The following RELN variants were observed in gnomAD, a reference collection of about 807,000 sequenced individuals.
RELN encodes reelin.
Under a neutral mutation model 427.6 loss-of-function variants are expected in RELN, and 108 were observed. The ratio of observed to expected loss-of-function variants is 0.25; its 90% CI spans 0.22 to 0.30. RELN has a LOEUF of 0.30. RELN is among the 10% of genes least tolerant of loss of function. RELN has a pLI of 1.00. For missense variants in RELN, 3,715 were observed against 4,302.8 expected (o/e 0.86, Z 3.82); for synonymous variants, 1,524 against 1,513.4 (o/e 1.01, Z -0.16).
intron 22 of RELN, 30 bp from the exon 23 acceptor site, chr7:103,604,513 G>A (rs1258376315): frequency 1.4e-5 from 23 of 1,612,982 alleles, no homozygotes; most frequent in African/African-American, 2.7e-5. Context: ...TAACAAAAAC[G>A]GTTTCAACCT....
At chr7:103,557,931 T>C in intron 37 of RELN, 34 bp downstream of exon 37, 2 of 1,009,312 alleles carry the variant, frequency 2.0e-6, no homozygotes, top group Non-Finnish European at 1.6e-6. Context: ...CAGGGGAGAA[T>C]TCTCTTGAAG....
chr7:103,774,077 C>A (rs928789882), intron 4 of RELN, among the ~76,000 whole-genome samples: 4 of 151,978 alleles, frequency 2.6e-5, no homozygotes, highest in Non-Finnish European at 5.9e-5. Flanking sequence ...AGGCTGATTA[C>A]CTGAGGTCAG....
intron 1 of RELN, among the ~76,000 whole-genome samples, chr7:103,926,688 A>AGGCTAGAG: frequency 8.1e-6 from 1 of 123,720 alleles, no homozygotes; most frequent in African/African-American, 3.0e-5. Context: ...TCTGTCGCCC[A>AGGCTAGAG]GGCTAGAGGG....
intron 50 of RELN, 105 bp downstream of exon 50, chr7:103,515,079 CA>C: frequency 1.4e-6 from 2 of 1,383,926 alleles, no homozygotes; most frequent in Non-Finnish European, 2.0e-6. Context: ...GTTTCTACAC[CA>C]CTGGAACATC....
In RELN at chr7:103,557,949, A is replaced by G. The variant is rs1830561348; in HGVS notation, c.5614+16T>C. 1 of 1,132,922 alleles carries G rather than the reference A, an allele frequency of 8.8e-7. No homozygotes were observed. 70.2% of individuals were successfully genotyped at this position (1,132,922 alleles called of 1,614,324 possible). A position where few individuals can be genotyped will look rare whatever the true frequency, so the allele number is the denominator to read the frequency against. ...GGGAGAATTCTCTTGAAGGAAAATA[A>G]TAAATTCATACTTACTTTTTGCTAT... On this transcript the variant is annotated intron_variant, in intron 37 of 64. Coordinates refer to ENST00000428762, the MANE Select transcript of RELN (RefSeq NM_005045.4).
At chr7:103,653,993 G>T in intron 13 of RELN, 100 bp downstream of exon 13, 1 of 772,512 alleles carries the variant, frequency 1.3e-6, no homozygotes, top group Middle Eastern at 2.3e-4. Flanking sequence ...TCAGAACAGG[G>T]ATGTATCTTC....
chr7:103,781,597 T>C (rs1440336797), intron 3 of RELN, among the ~76,000 whole-genome samples: 2 of 152,122 alleles, frequency 1.3e-5, no homozygotes, highest in East Asian at 3.9e-4. Flanking sequence ...GTGCAATAGA[T>C]ATCTTGAACT....
chr7:103,659,769 T>C (rs1833098402), intron 12 of RELN, among the ~76,000 whole-genome samples: 1 of 152,192 alleles, frequency 6.6e-6, no homozygotes, highest in Non-Finnish European at 1.5e-5. Context: ...ATACTGAGTC[T>C]AAATATTTAT....
intron 57 of RELN, among the ~76,000 whole-genome samples, chr7:103,494,394 G>GTGT (rs774896895): frequency 2.7e-3 from 358 of 134,548 alleles, no homozygotes; most frequent in Non-Finnish European, 4.0e-3. Flanking sequence ...TGTGTGTGTG[G>GTGT]GATATGGTCT....
chr7:103,877,572 C>A (rs1389438403), intron 2 of RELN, among the ~76,000 whole-genome samples: 1 of 152,174 alleles, frequency 6.6e-6, no homozygotes, highest in African/African-American at 2.4e-5. Context: ...CTCTTCCATT[C>A]CTGACCTTCT....
chr7:103,557,258 T>G (rs1446286595), intron 37 of RELN, 99 bp from the exon 38 acceptor site: 1 of 1,020,532 alleles, frequency 9.8e-7, no homozygotes, highest in African/African-American at 1.6e-5. Context: ...ATAAGAGAAC[T>G]TATGTTTACA....
chr7:103,917,846 T>C (rs1795520825), intron 1 of RELN, among the ~76,000 whole-genome samples: 1 of 152,126 alleles, frequency 6.6e-6, no homozygotes, highest in East Asian at 1.9e-4. Flanking sequence ...AAATTAAATA[T>C]ATACGTATGC....
Position 103,515,309 on chromosome 7 carries a change from G to C in RELN, c.7995C>G (p.Asp2665Glu). ...IDNVLISGSA[D>E]QRTVMLDTFS... ...AGGTGTCCAGCATAACGGTCCTTTG[G>C]TCAGCAGAGCCTGAGATGAGGACAT... is the stretch of plus-strand genomic sequence containing the variant. The change falls in exon 50 of 65, where the codon GAC becomes GAG. Residue 2665 changes from aspartate (D) to glutamate (E), a missense_variant. Asp to Glu is a conservative substitution (Grantham distance 45). This residue lies in a region of RELN where 1,310 missense variants were observed against 1,643.0 expected (regional missense o/e 0.80). Coordinates refer to ENST00000428762, the MANE Select transcript of RELN (RefSeq NM_005045.4). 1 of 1,614,114 alleles carries C rather than the reference G, an allele frequency of 6.2e-7. No homozygotes were observed. The highest frequency in any genetic ancestry group is 1.1e-5 in the South Asian group (1 of 91,058).
At chr7:103,872,414 T>G (rs1794369096) in intron 2 of RELN, among the ~76,000 whole-genome samples, 1 of 138,984 alleles carries the variant, frequency 7.2e-6, no homozygotes, top group South Asian at 3.0e-4. Flanking sequence ...TATGGCTGCA[T>G]AGTATTCCAT....
chr7:103,847,855 C>T (rs1287543333), intron 2 of RELN, among the ~76,000 whole-genome samples: 1 of 152,144 alleles, frequency 6.6e-6, no homozygotes, highest in Non-Finnish European at 1.5e-5. Flanking sequence ...GAATTAAACA[C>T]ACAAGAGAGC....
intron 61 of RELN, chr7:103,484,085 G>T: frequency 4.0e-6 from 2 of 498,562 alleles, no homozygotes; most frequent in Non-Finnish European, 3.6e-6. Flanking sequence ...TTGACATGTT[G>T]TCCAGGCTGG....
intron 46 of RELN, among the ~76,000 whole-genome samples, chr7:103,523,981 A>G (rs1019099787): frequency 6.6e-6 from 1 of 152,208 alleles, no homozygotes. Flanking sequence ...CTGGCTGGCC[A>G]TTATTACAAT....
At chr7:103,711,960 G>C (rs538613711) in intron 8 of RELN, among the ~76,000 whole-genome samples, 1 of 152,128 alleles carries the variant, frequency 6.6e-6, no homozygotes, top group South Asian at 2.1e-4. Context: ...CAGCTGACCT[G>C]CTATTCATTT....
At chr7:103,986,629 T>TAAAAAA (rs34403864) in intron 1 of RELN, among the ~76,000 whole-genome samples, 2 of 102,332 alleles carry the variant, frequency 2.0e-5, no homozygotes, top group African/African-American at 3.6e-5. Flanking sequence ...TTCTTTTAGG[T>TAAAAAA]AAAAAAAAAA....
Sources: gnomAD v4.1 joint callset for allele counts (sites outside exome capture counted in the v4.1 genomes callset) on GRCh38, gnomAD v4.1.1 for gene constraint, gnomAD v4.1.1 regional missense constraint, MANE v1.5 for transcripts, NCBI Gene and HGNC (gene_info 2026-07-23, HGNC 2026-07-21) for gene names.